The following DIAPH2 variants were observed in gnomAD, a reference collection of about 807,000 sequenced individuals.
The protein encoded by DIAPH2 is diaphanous related formin 2, also known as protein diaphanous homolog 2.
Under a neutral mutation model 92.7 loss-of-function variants are expected in DIAPH2, and 35 were observed. That is an observed-to-expected ratio of 0.38 (90% confidence interval 0.29 to 0.50). DIAPH2 has a LOEUF of 0.50. Ranked by LOEUF, DIAPH2 falls within the 20% of genes least tolerant of loss-of-function variation. The probability of loss-of-function intolerance (pLI) is 0.94; values close to 1 mark genes in which losing one functional copy is unlikely to be tolerated. For missense variants in DIAPH2, 701 were observed against 819.5 expected (o/e 0.86, Z 1.77); for synonymous variants, 301 against 280.4 (o/e 1.07, Z -0.73).
chrX:96,691,675 A>G (rs1384843302), intron 1 of DIAPH2, among the ~76,000 whole-genome samples: 3 of 112,155 alleles, frequency 2.7e-5, no homozygotes, highest in Non-Finnish European at 5.6e-5. Flanking sequence ...CACCATTTGC[A>G]CAGTCTTTGG....
At chrX:97,499,651 T>C (rs2070781918) in intron 26 of DIAPH2, among the ~76,000 whole-genome samples, 1 of 112,267 alleles carries the variant, frequency 8.9e-6, no homozygotes, top group Non-Finnish European at 1.9e-5. Context: ...TGTACTCATA[T>C]GTTTATTGCA....
intron 22 of DIAPH2, among the ~76,000 whole-genome samples, chrX:97,161,735 A>G (rs888953167): frequency 8.9e-6 from 1 of 112,007 alleles, no homozygotes; most frequent in African/African-American, 3.2e-5. Flanking sequence ...ACTGATATCA[A>G]AATATCTTTA....
intron 23 of DIAPH2, among the ~76,000 whole-genome samples, chrX:97,300,337 G>A (rs754718792): frequency 1.0e-3 from 117 of 111,554 alleles, no homozygotes; most frequent in Non-Finnish European, 2.0e-3. Flanking sequence ...TACAAACTTT[G>A]ACTGTCCCTG....
rs1015640637 is a variant in DIAPH2 at position 96,940,074 on chromosome X, C to G, written c.1325+692C>G. On this transcript the variant is annotated intron_variant, in intron 12 of 26. Transcript: ENST00000324765. ...AGGACTTTGGTAGCAATGAACCCAA[C>G]AGATTGCACTGGCCCTGCAATGAAT... is the stretch of plus-strand genomic sequence containing the variant. 3.6e-5 allele frequency among the ~76,000 whole-genome samples: 4 copies of G among 110,582 alleles called. No homozygotes were observed. The East Asian group carries it at 1.1e-3, about 32-fold the overall frequency.
chrX:96,835,284 A>G, intron 4 of DIAPH2, among the ~76,000 whole-genome samples: 1 of 112,068 alleles, frequency 8.9e-6, no homozygotes, highest in Middle Eastern at 4.6e-3. Flanking sequence ...TTAATCGAAT[A>G]CTTATTACCT....
chrX:97,416,395 T>C (rs1180477192), intron 25 of DIAPH2, among the ~76,000 whole-genome samples: 1 of 112,353 alleles, frequency 8.9e-6, no homozygotes, highest in Non-Finnish European at 1.9e-5. Context: ...CTACTTTGGC[T>C]GCTCTACTTT....
chrX:97,106,201 C>T (rs937265206), intron 20 of DIAPH2, among the ~76,000 whole-genome samples: 1 of 111,053 alleles, frequency 9.0e-6, no homozygotes, highest in African/African-American at 3.3e-5. Context: ...TTTTATATGC[C>T]TGCATTTGGA....
At chrX:97,372,477 T>C (rs73552458) in intron 24 of DIAPH2, among the ~76,000 whole-genome samples, 1,991 of 112,062 alleles carry the variant, frequency 0.018, 44 homozygotes, top group African/African-American at 0.061. Flanking sequence ...CTGGTTTTGC[T>C]GAATACAAGA....
intron 17 of DIAPH2, among the ~76,000 whole-genome samples, chrX:97,005,576 G>T (rs933119943): frequency 3.6e-5 from 4 of 111,294 alleles, no homozygotes; most frequent in African/African-American, 1.3e-4. Context: ...TCTCACTTCT[G>T]TTGCCCAGGC....
At chrX:97,409,677 G>A (rs764954731) in intron 25 of DIAPH2, among the ~76,000 whole-genome samples, 1 of 112,136 alleles carries the variant, frequency 8.9e-6, no homozygotes, top group Non-Finnish European at 1.9e-5. Context: ...GAAATACTGA[G>A]CTTTTCCAAT....
Position 97,147,148 on chromosome X carries a change from A to G in DIAPH2, c.2719+5354A>G, listed in dbSNP as rs900423156. On this transcript the variant is annotated intron_variant, in intron 22 of 26. Coordinates refer to ENST00000324765, the MANE Select transcript of DIAPH2 (RefSeq NM_006729.5). ...TATGAAGTTCAGAAGCAAATTGTAT[A>G]ATGTAACTTTATTACCAGTAAAGTT... Among the ~76,000 whole-genome samples, 21 of 111,347 alleles carry G rather than the reference A, an allele frequency of 1.9e-4. No homozygotes were observed. The Admixed American group carries it at 1.9e-3, about 10-fold the overall frequency.
At chrX:96,818,099 C>G in intron 4 of DIAPH2, among the ~76,000 whole-genome samples, 1 of 23,061 alleles carries the variant, frequency 4.3e-5, no homozygotes, top group Admixed American at 6.0e-4. Flanking sequence ...CTGCCTCAGC[C>G]TCCCGAGTAG....
At chrX:97,318,208 G>A (rs751512658) in intron 23 of DIAPH2, among the ~76,000 whole-genome samples, 2 of 110,732 alleles carry the variant, frequency 1.8e-5, no homozygotes, top group Admixed American at 1.9e-4. Context: ...GCGCCATCTC[G>A]GCTCACTGCA....
chrX:97,294,291 A>G (rs2068625132), intron 23 of DIAPH2, among the ~76,000 whole-genome samples: 1 of 112,083 alleles, frequency 8.9e-6, no homozygotes, highest in African/African-American at 3.2e-5. Flanking sequence ...CAAGATCTCT[A>G]TAAAGATAAC....
intron 23 of DIAPH2, among the ~76,000 whole-genome samples, chrX:97,288,762 G>A (rs2068566504): frequency 2.8e-5 from 3 of 106,419 alleles, no homozygotes; most frequent in African/African-American, 6.9e-5. Flanking sequence ...AAAAAACACC[G>A]ATTCACTCTA....
chrX:97,541,205 T>C lies in DIAPH2; in HGVS notation c.3242-58048T>C, dbSNP rs187638243. Among the ~76,000 whole-genome samples, 5 of 111,115 alleles carry C rather than the reference T, an allele frequency of 4.5e-5. No individual in the cohort carries two copies. The East Asian group carries it at 1.4e-3, about 31-fold the overall frequency. On this transcript the variant is annotated intron_variant, in intron 26 of 26. Coordinates refer to ENST00000324765, the MANE Select transcript of DIAPH2 (RefSeq NM_006729.5). ...CCAAGGAAATTAAAGAAAAATAGAG[T>C]CAAGGGTTAAGTAGAAGAGAAGAGA...
chrX:96,869,390 C>T (rs896187144), intron 4 of DIAPH2, among the ~76,000 whole-genome samples: 4 of 110,389 alleles, frequency 3.6e-5, no homozygotes, highest in African/African-American at 6.6e-5. Flanking sequence ...GGTGAAACCC[C>T]GACTCTACTA....
chrX:96,943,566 A>G (rs772076633), intron 13 of DIAPH2, among the ~76,000 whole-genome samples: 5 of 111,334 alleles, frequency 4.5e-5, no homozygotes, highest in Non-Finnish European at 9.5e-5. Context: ...ATAATCCATT[A>G]TAGACCATAG....
intron 1 of DIAPH2, among the ~76,000 whole-genome samples, chrX:96,729,091 C>T (rs765961648): frequency 2.7e-5 from 3 of 111,930 alleles, no homozygotes; most frequent in Non-Finnish European, 5.6e-5. Context: ...AAAGTAAGGC[C>T]TCCCTACTGG....
Sources: gnomAD v4.1 joint callset for allele counts (sites outside exome capture counted in the v4.1 genomes callset) on GRCh38, gnomAD v4.1.1 for gene constraint, MANE v1.5 for transcripts, NCBI Gene and HGNC (gene_info 2026-07-23, HGNC 2026-07-21) for gene names.